Variants in POLM observed in about 807,000 individuals in gnomAD.
POLM encodes DNA polymerase mu, also known as DNA-directed DNA/RNA polymerase mu.
A neutral mutation model predicts 56.7 loss-of-function variants in POLM; 52 were observed. The observed-to-expected ratio is 0.92, with a 90% confidence interval of 0.73 to 1.15. POLM has a LOEUF of 1.15. Among genes scored for constraint, POLM ranks in the 50% most tolerant of loss-of-function variants. POLM has a pLI of 0.00. For missense variants in POLM, 660 were observed against 663.6 expected (o/e 0.99, Z 0.06); for synonymous variants, 273 against 274.3 (o/e 1.00, Z 0.05).
At chr7:44,081,264 G>C (rs1324367223) in intron 1 of POLM, among the ~76,000 whole-genome samples, 1 of 152,130 alleles carries the variant, frequency 6.6e-6, no homozygotes, top group East Asian at 1.9e-4. Flanking sequence ...AGCCTGTTTG[G>C]GTCTGAACCC....
rs1307667603 is a variant in POLM, at chr7:44,076,438, G to A, written c.835+71C>T. The A allele has an allele frequency of 2.5e-6, 4 of 1,594,204 alleles. No homozygotes were observed. The African/African-American group carries it at 5.4e-5, about 21-fold the overall frequency. ...GCACCAGACTGCTCCCTTCCCTCTA[G>A]GGAGTTGATGCTGAGGGATCCAGGG... On this transcript the variant is annotated intron_variant, in intron 6 of 10. Coordinates refer to ENST00000242248, the MANE Select transcript of POLM (RefSeq NM_013284.4).
chr7:44,075,513 G>A (rs1033876287), intron 6 of POLM, among the ~76,000 whole-genome samples: 2 of 152,158 alleles, frequency 1.3e-5, no homozygotes, highest in Admixed American at 6.5e-5. Context: ...GCAGTGGCCC[G>A]GGGGAAGATG....
chr7:44,074,413 G>C lies in POLM; in HGVS notation c.953C>G (p.Thr318Ser). Reference sequence around the variant, plus strand: ...GCCTTCTTACCTGCGGAAGCCGCCGGTCAGCGTGACGGTGGCCCCAGGCAG... The same window carrying C: ...GCCTTCTTACCTGCGGAAGCCGCCGCTCAGCGTGACGGTGGCCCCAGGCAG... ...QALPGATVTL[T>S]GGFRRGKLQG... is the part of the protein sequence containing the mutation. The change falls in exon 7 of 11, where the codon ACC (threonine) becomes AGC (serine). Residue 318 changes from threonine to serine, a missense_variant. Thr to Ser is a moderately conservative substitution (Grantham distance 58, BLOSUM62 1). Coordinates refer to ENST00000242248, the MANE Select transcript of POLM (RefSeq NM_013284.4). The C allele has an allele frequency of 6.4e-7, 1 of 1,558,828 alleles. No homozygotes were observed. Among genetic ancestry groups the C allele is most frequent in the Non-Finnish European group, 8.7e-7 (1 of 1,151,188 alleles).
chr7:44,074,074 A>T, intron 8 of POLM, 49 bp from the exon 9 acceptor site: 1 of 1,608,178 alleles, frequency 6.2e-7, no homozygotes, highest in Non-Finnish European at 8.5e-7. Flanking sequence ...GTGTGGAGAG[A>T]GCAGGAGGCA....
chr7:44,073,140 C>G lies in POLM; in HGVS notation c.*151G>C, dbSNP rs1406391070. 1.3e-6 allele frequency: 2 copies of G among 1,516,766 alleles called. No individual in the cohort carries two copies. Among genetic ancestry groups the G allele is most frequent in the South Asian group, 2.6e-5 (2 of 78,210 alleles). The allele number at this position is 1,516,766 out of a possible 1,614,324, so 94.0% of individuals were successfully genotyped here. ...CACACCAGCAGGGGCTCAACTGATC[C>G]TGCAGGCACAATTGACCTCCGGAAG... On this transcript the variant is annotated 3_prime_UTR_variant, in exon 11 of 11. Coordinates refer to ENST00000242248, the MANE Select transcript of POLM (RefSeq NM_013284.4).
rs531802185 is a variant in POLM at position 44,076,323 on chromosome 7, C to T, written c.835+186G>A. ...TCATGGAAGTTGCTGTGGTCAGCAT[C>T]GTCCACTGAGAAAAGGCTTTGATAG... On this transcript the variant is annotated intron_variant, in intron 6 of 10. Coordinates refer to ENST00000242248, the MANE Select transcript of POLM (RefSeq NM_013284.4). 1.2e-4 allele frequency: 75 copies of T among 622,656 alleles called. 1 individual carries two copies. In the South Asian group the frequency reaches 1.4e-3, roughly 11 times the overall value. The allele number at this position is 622,656 out of a possible 1,614,324, so 38.6% of individuals were successfully genotyped here.
At position 44,074,412 on chromosome 7, in the gene POLM, G is replaced by C; in HGVS notation, c.954C>G (p.Thr318=). 1 of 1,558,510 alleles carries C rather than the reference G, an allele frequency of 6.4e-7. No individual in the cohort carries two copies. The highest frequency in any genetic ancestry group is 1.2e-5 in the South Asian group (1 of 84,556). Residue 318 remains threonine, a synonymous_variant, in exon 7 of 11, where the codon ACC becomes ACG. Coordinates refer to ENST00000242248, the MANE Select transcript of POLM (RefSeq NM_013284.4). ...QALPGATVTL[T]GGFRRGKLQG... ...GGCCTTCTTACCTGCGGAAGCCGCCGGTCAGCGTGACGGTGGCCCCAGGCA... is the reference window on the plus strand; with the variant it reads ...GGCCTTCTTACCTGCGGAAGCCGCCCGTCAGCGTGACGGTGGCCCCAGGCA...
chr7:44,076,693 G>A (rs978465211), intron 5 of POLM, 64 bp from the exon 6 acceptor site: 17 of 1,593,576 alleles, frequency 1.1e-5, no homozygotes, highest in South Asian at 8.9e-5. Flanking sequence ...ATGATCACCC[G>A]CTCCGGGACG....
chr7:44,073,917 G>A lies in POLM; in HGVS notation c.1180C>T (p.Leu394=), dbSNP rs141234671. 379 of 1,614,246 alleles carry A rather than the reference G, an allele frequency of 2.3e-4. 1 individual carries two copies. The African/African-American group carries it at 4.6e-3, about 20-fold the overall frequency. Residue 394 remains leucine (L), a synonymous_variant, in exon 9 of 11, where the codon CTA becomes TTA. Coordinates refer to ENST00000242248, the MANE Select transcript of POLM (RefSeq NM_013284.4). ...AFERSFCIFR[L]PQPPGAAVGG... is the part of the protein sequence containing the mutation. The stretch of plus-strand genomic sequence containing the variant: ...ACAGCAGCCCCTGGAGGTTGTGGTA[G>A]GCGGAAAATGCAGAAACTTCTCTCA...
chr7:44,073,897 A>C lies in POLM; in HGVS notation c.1200T>G (p.Ala400=). The C allele has an allele frequency of 6.2e-7, 1 of 1,614,236 alleles. No homozygotes were observed. Among genetic ancestry groups the C allele is most frequent in the Non-Finnish European group, 8.5e-7 (1 of 1,180,042 alleles). Residue 400 remains alanine (A), a synonymous_variant, in exon 9 of 11, where the codon GCT becomes GCG. Coordinates refer to ENST00000242248, the MANE Select transcript of POLM (RefSeq NM_013284.4). ...AGGGCCTCGTGGATCCCCCCACAGC[A>C]GCCCCTGGAGGTTGTGGTAGGCGGA... ...CIFRLPQPPG[A]AVGGSTRPCP... is the part of the protein sequence containing the mutation.
rs1233763178 is a variant in POLM, at chr7:44,082,292, G to A, written c.147C>T (p.Gly49=). 5.8e-6 allele frequency: 9 copies of A among 1,549,208 alleles called. No individual in the cohort carries two copies. Among genetic ancestry groups the A allele is most frequent in the Admixed American group, 1.9e-5 (1 of 51,530 alleles). ...MGRSRRAFLT[G]LARSKGFRVL... ...CGCGGAAGCCTTTGGAGCGCGCCAG[G>A]CCTGTGAGGAAGGCCCGGCGGCTGC... The change falls in exon 1 of 11, where the codon GGC becomes GGT. Residue 49 remains glycine (G), a synonymous_variant. Transcript: ENST00000242248.
At chr7:44,078,601 C>T in intron 5 of POLM, 139 bp downstream of exon 5, 1 of 694,110 alleles carries the variant, frequency 1.4e-6, no homozygotes, top group South Asian at 1.7e-5. Flanking sequence ...AGCTTAGCTG[C>T]CACTTCCTCG....
intron 5 of POLM, among the ~76,000 whole-genome samples, chr7:44,077,620 G>C (rs1586019788): frequency 6.6e-6 from 1 of 152,184 alleles, no homozygotes; most frequent in Non-Finnish European, 1.5e-5. Flanking sequence ...ACCACTTCAA[G>C]GGGATTTCAT....
In POLM at chr7:44,073,094, C is replaced by T; in HGVS notation, c.*197G>A. The stretch of plus-strand genomic sequence containing the variant: ...GTGATGAGGCTGGCACTGAGGGCTC[C>T]CACCTCATCACACCCTGCAGCACAC... On this transcript the variant is annotated 3_prime_UTR_variant, in exon 11 of 11. Coordinates refer to ENST00000242248, the MANE Select transcript of POLM (RefSeq NM_013284.4). The T allele has an allele frequency of 1.4e-6, 2 of 1,460,134 alleles. No individual in the cohort carries two copies. The highest frequency in any genetic ancestry group is 9.0e-7 in the Non-Finnish European group (1 of 1,108,704). 90.4% of individuals were successfully genotyped at this position (1,460,134 alleles called of 1,614,324 possible). A position where few individuals can be genotyped will look rare whatever the true frequency, so the allele number is the denominator to read the frequency against.
Position 44,073,101 on chromosome 7 carries a change from A to G in POLM, c.*190T>C. On this transcript the variant is annotated 3_prime_UTR_variant, in exon 11 of 11. Coordinates refer to ENST00000242248, the MANE Select transcript of POLM (RefSeq NM_013284.4). The stretch of plus-strand genomic sequence containing the variant: ...GGCTGGCACTGAGGGCTCCCACCTC[A>G]TCACACCCTGCAGCACACCAGCAGG... The G allele has an allele frequency of 6.8e-7, 1 of 1,467,254 alleles. No individual in the cohort carries two copies. Among genetic ancestry groups the G allele is most frequent in the Non-Finnish European group, 9.0e-7 (1 of 1,111,156 alleles). 90.9% of individuals were successfully genotyped at this position (1,467,254 alleles called of 1,614,324 possible). A position where few individuals can be genotyped will look rare whatever the true frequency, so the allele number is the denominator to read the frequency against.
chr7:44,082,319 A>C lies in POLM; in HGVS notation c.120T>G (p.Gly40=). 6.4e-7 allele frequency: 1 copy of C among 1,559,338 alleles called. No individual in the cohort carries two copies. Among genetic ancestry groups the C allele is most frequent in the Non-Finnish European group, 8.6e-7 (1 of 1,159,828 alleles). ...VAIYLVEPRM[G]RSRRAFLTGL... Reference sequence around the variant, plus strand: ...CTGTGAGGAAGGCCCGGCGGCTGCGACCCATGCGAGGCTCGACCAGGTAGA... The same window carrying C: ...CTGTGAGGAAGGCCCGGCGGCTGCGCCCCATGCGAGGCTCGACCAGGTAGA... Residue 40 remains glycine, a synonymous_variant, in exon 1 of 11, where the codon GGT becomes GGG. Transcript: ENST00000242248.
chr7:44,078,167 A>T (rs138818586), intron 5 of POLM, among the ~76,000 whole-genome samples: 1 of 152,360 alleles, frequency 6.6e-6, no homozygotes, highest in Non-Finnish European at 1.5e-5. Flanking sequence ...AGAATATTCC[A>T]TCAAAAACAG....
chr7:44,076,475 G>A (rs773949669), intron 6 of POLM, 34 bp downstream of exon 6: 3 of 1,613,162 alleles, frequency 1.9e-6, no homozygotes, highest in Non-Finnish European at 2.5e-6. Context: ...GCAGTTTAGG[G>A]AAGCCCAGGG....
rs778051855 is a variant in POLM at position 44,082,442 on chromosome 7, G to A, written c.-4C>T. The A allele has an allele frequency of 3.5e-5, 46 of 1,313,536 alleles. No individual in the cohort carries two copies. The highest frequency in any genetic ancestry group is 2.8e-4 in the Middle Eastern group (1 of 3,636). The allele number at this position is 1,313,536 out of a possible 1,614,324, so 81.4% of individuals were successfully genotyped here. A position where few individuals can be genotyped will look rare whatever the true frequency, so the allele number is the denominator to read the frequency against. ...CTCGCCGCCGTTTGGGGAGCATTGG[G>A]ACGACAGCCTCCAGCAGCGCGGAGC... On this transcript the variant is annotated 5_prime_UTR_variant, in exon 1 of 11. Coordinates refer to ENST00000242248, the MANE Select transcript of POLM (RefSeq NM_013284.4).
Sources: gnomAD v4.1 joint callset for allele counts (sites outside exome capture counted in the v4.1 genomes callset) on GRCh38, gnomAD v4.1.1 for gene constraint, MANE v1.5 for transcripts, NCBI Gene and HGNC (gene_info 2026-07-23, HGNC 2026-07-21) for gene names.